Variants in UBE2Q2 observed in about 807,000 individuals in gnomAD.
The protein encoded by UBE2Q2 is ubiquitin-conjugating enzyme E2 Q2.
UBE2Q2 carries 54 observed loss-of-function variants against 59.9 expected under a neutral mutation model. That is an observed-to-expected ratio of 0.90 (90% CI 0.72 to 1.13). The LOEUF (loss-of-function observed/expected upper bound fraction) is 1.13, where lower values mean the gene tolerates loss of function less well. Among genes scored for constraint, UBE2Q2 ranks in the 50% most tolerant of loss-of-function variants. The probability of loss-of-function intolerance (pLI) is 0.00; values close to 1 mark genes in which losing one functional copy is unlikely to be tolerated. For missense variants in UBE2Q2, 433 were observed against 441.9 expected, an observed-to-expected ratio of 0.98 and a Z score of 0.18; for synonymous variants, 165 against 155.2, an observed-to-expected ratio of 1.06 and a Z score of -0.47.
intron 12 of UBE2Q2, among the ~76,000 whole-genome samples, chr15:75,897,267 C>G (rs1430395136): frequency 6.6e-6 from 1 of 151,836 alleles, no homozygotes; most frequent in Non-Finnish European, 1.5e-5. Context: ...GAGACGGAGT[C>G]TCGCTCTGTC....
intron 1 of UBE2Q2, chr15:75,844,583 A>G: frequency 1.5e-6 from 2 of 1,348,410 alleles, no homozygotes; most frequent in Non-Finnish European, 2.0e-6. Flanking sequence ...CTCCCCGGAA[A>G]GATCACGTAT....
chr15:75,873,862 G>GT (rs890411989), intron 5 of UBE2Q2, among the ~76,000 whole-genome samples: 6 of 151,932 alleles, frequency 3.9e-5, no homozygotes, highest in Admixed American at 1.3e-4. Context: ...TGCCAGGCTA[G>GT]TTTTTTTTAT....
intron 1 of UBE2Q2, among the ~76,000 whole-genome samples, chr15:75,854,130 G>A (rs763124607): frequency 1.5e-4 from 23 of 152,260 alleles, no homozygotes; most frequent in South Asian, 8.3e-4. Context: ...GATGGTGATC[G>A]GGGCCATTTT....
chr15:75,899,299 A>G, intron 12 of UBE2Q2, 128 bp from the exon 13 acceptor site: 1 of 287,526 alleles, frequency 3.5e-6, no homozygotes, highest in South Asian at 5.0e-5. Flanking sequence ...TAATATATAT[A>G]TATATTTTTT....
intron 9 of UBE2Q2, among the ~76,000 whole-genome samples, chr15:75,888,707 G>A (rs1482524121): frequency 6.6e-6 from 1 of 152,186 alleles, no homozygotes; most frequent in Non-Finnish European, 1.5e-5. Flanking sequence ...TTAAGGAAAA[G>A]TTTAGTTATC....
At chr15:75,854,521 C>T (rs550337404) in intron 2 of UBE2Q2, 34 bp downstream of exon 2, 212 of 1,341,136 alleles carry the variant, frequency 1.6e-4, no homozygotes, top group Middle Eastern at 1.5e-3. Context: ...TTCTCTTTTC[C>T]TCATGAACAT....
At chr15:75,892,520 A>G (rs1899157373) in intron 11 of UBE2Q2, among the ~76,000 whole-genome samples, 1 of 152,214 alleles carries the variant, frequency 6.6e-6, no homozygotes, top group Admixed American at 6.5e-5. Context: ...ACCAGGAATG[A>G]TGAAGAAGAC....
At chr15:75,846,550 T>G (rs1459175652) in intron 1 of UBE2Q2, among the ~76,000 whole-genome samples, 3 of 152,150 alleles carry the variant, frequency 2.0e-5, no homozygotes, top group African/African-American at 7.2e-5. Flanking sequence ...ATGACTGTTT[T>G]GATAAAATGA....
intron 11 of UBE2Q2, among the ~76,000 whole-genome samples, chr15:75,893,689 C>T (rs914589782): frequency 2.6e-5 from 4 of 151,782 alleles, no homozygotes; most frequent in Admixed American, 6.6e-5. Flanking sequence ...TAAAATCAGA[C>T]GATTTAAAAA....
intron 1 of UBE2Q2, among the ~76,000 whole-genome samples, chr15:75,845,266 A>AT (rs1233820315): frequency 6.6e-6 from 1 of 152,200 alleles, no homozygotes; most frequent in African/African-American, 2.4e-5. Context: ...GCGGAAGGGC[A>AT]TTTTAGACTG....
At chr15:75,853,056 G>A (rs1896710692) in intron 1 of UBE2Q2, among the ~76,000 whole-genome samples, 1 of 152,124 alleles carries the variant, frequency 6.6e-6, no homozygotes, top group Non-Finnish European at 1.5e-5. Flanking sequence ...GATAATAATG[G>A]CTTTTCCCCA....
chr15:75,855,311 T>G (rs1040485794), intron 2 of UBE2Q2, among the ~76,000 whole-genome samples: 1 of 152,096 alleles, frequency 6.6e-6, no homozygotes, highest in African/African-American at 2.4e-5. Flanking sequence ...GCCAACATGG[T>G]GAAACCCTGT....
chr15:75,879,211 C>G, intron 8 of UBE2Q2, 23 bp downstream of exon 8: 1 of 1,417,702 alleles, frequency 7.1e-7, no homozygotes, highest in South Asian at 1.3e-5. Context: ...TTACAGGACC[C>G]CATATACTTC....
In UBE2Q2 at chr15:75,887,435, G is replaced by A. The variant is rs143835975; in HGVS notation, c.885-3000G>A. On this transcript the variant is annotated intron_variant, in intron 9 of 12. Coordinates refer to ENST00000267938, the MANE Select transcript of UBE2Q2 (RefSeq NM_173469.4). ...CAATCAGTTATCTAGGAAAGAGAAT[G>A]AGATACTCAGAGTATACCAGACCAG... Among the ~76,000 whole-genome samples, 826 of 152,198 alleles carry A rather than the reference G, an allele frequency of 5.4e-3. 8 individuals carry two copies. Among genetic ancestry groups the A allele is most frequent in the African/African-American group, 0.019 (782 of 41,524 alleles).
chr15:75,852,217 C>A (rs1567015944), intron 1 of UBE2Q2, among the ~76,000 whole-genome samples: 1 of 152,000 alleles, frequency 6.6e-6, no homozygotes, highest in Non-Finnish European at 1.5e-5. Flanking sequence ...CTTTTGTTGC[C>A]CTTCCTTTTT....
intron 1 of UBE2Q2, among the ~76,000 whole-genome samples, chr15:75,844,918 T>C (rs1896253139): frequency 6.6e-6 from 1 of 152,022 alleles, no homozygotes; most frequent in African/African-American, 2.4e-5. Context: ...ATGTTATAAT[T>C]GACCTTAAAA....
At chr15:75,886,980 C>T (rs1898813580) in intron 9 of UBE2Q2, among the ~76,000 whole-genome samples, 1 of 151,774 alleles carries the variant, frequency 6.6e-6, no homozygotes, top group Non-Finnish European at 1.5e-5. Context: ...CCTTAGTTTA[C>T]CACCTAGAAT....
At chr15:75,866,482 C>G (rs1003021956) in intron 3 of UBE2Q2, among the ~76,000 whole-genome samples, 2 of 152,152 alleles carry the variant, frequency 1.3e-5, no homozygotes, top group African/African-American at 4.8e-5. Context: ...CTTCAGTATT[C>G]CTATGGGGCT....
chr15:75,865,144 G>C (rs1595870708), intron 3 of UBE2Q2, among the ~76,000 whole-genome samples: 1 of 152,338 alleles, frequency 6.6e-6, no homozygotes, highest in East Asian at 1.9e-4. Flanking sequence ...TCGCACTACA[G>C]AAACCTTCTG....
Sources: gnomAD v4.1 joint callset for allele counts (sites outside exome capture counted in the v4.1 genomes callset) on GRCh38, gnomAD v4.1.1 for gene constraint, MANE v1.5 for transcripts, NCBI Gene and HGNC (gene_info 2026-07-23, HGNC 2026-07-21) for gene names.